PID1: variants seen among roughly 807,000 people sequenced by gnomAD.
PID1 encodes PTB-containing, cubilin and LRP1-interacting protein.
PID1 carries 10 observed loss-of-function variants against 19.1 expected under a neutral mutation model. The ratio of observed to expected loss-of-function variants is 0.52; its 90% CI spans 0.32 to 0.89. The LOEUF is 0.89. Ranked by LOEUF, PID1 falls within the 40% of genes least tolerant of loss-of-function variation. The probability of loss-of-function intolerance (pLI) is 0.03; values close to 1 mark genes in which losing one functional copy is unlikely to be tolerated. For synonymous variants in PID1, 130 were observed against 116.0 expected, an observed-to-expected ratio of 1.12 and a Z score of -0.78; for missense variants, 248 against 285.3, an observed-to-expected ratio of 0.87 and a Z score of 0.94.
chr2:229,051,869 C>T (rs1203269666), intron 2 of PID1, among the ~76,000 whole-genome samples: 1 of 152,180 alleles, frequency 6.6e-6, no homozygotes, highest in Non-Finnish European at 1.5e-5. Context: ...ACACATTCTT[C>T]CTATAACATT....
intron 2 of PID1, among the ~76,000 whole-genome samples, chr2:229,074,992 T>A (rs1694529123): frequency 6.6e-6 from 1 of 152,198 alleles, no homozygotes; most frequent in African/African-American, 2.4e-5. Context: ...TGCATTTCTA[T>A]CAACCCACCA....
At chr2:229,269,160 C>T (rs1208072115) in intron 1 of PID1, among the ~76,000 whole-genome samples, 1 of 150,860 alleles carries the variant, frequency 6.6e-6, no homozygotes, top group South Asian at 2.1e-4. Context: ...GTGACTCGGT[C>T]TTATTGGTGA....
intron 1 of PID1, among the ~76,000 whole-genome samples, chr2:229,219,230 A>G (rs961374147): frequency 2.0e-5 from 3 of 152,100 alleles, no homozygotes; most frequent in African/African-American, 7.2e-5. Context: ...CCGAGACGCG[A>G]GACTGGGTAT....
At chr2:229,218,558 A>G (rs1261567285) in intron 1 of PID1, among the ~76,000 whole-genome samples, 1 of 152,182 alleles carries the variant, frequency 6.6e-6, no homozygotes, top group East Asian at 1.9e-4. Flanking sequence ...GAGGATAGAA[A>G]TGTCACCCAA....
At chr2:229,251,004 G>C (rs1690136318) in intron 1 of PID1, among the ~76,000 whole-genome samples, 1 of 152,142 alleles carries the variant, frequency 6.6e-6, no homozygotes, top group Non-Finnish European at 1.5e-5. Context: ...ACGAGGAGAA[G>C]CACTGTGACA....
At chr2:229,133,347 A>C (rs1488221964) in intron 2 of PID1, among the ~76,000 whole-genome samples, 1 of 152,258 alleles carries the variant, frequency 6.6e-6, no homozygotes, top group African/African-American at 2.4e-5. Context: ...ACAATTCAGT[A>C]GGTGGCACTA....
In PID1 at chr2:229,203,103, G is replaced by A. The variant is rs115297446; in HGVS notation, c.31-47139C>T. On this transcript the variant is annotated intron_variant, in intron 1 of 2. Coordinates refer to ENST00000392055, the MANE Select transcript of PID1 (RefSeq NM_001100818.2). ...GTTACAAAAGAAGATCATTCAGTAG[G>A]AGAAAGACATCTCCACTTTTTACAA... 3.1e-3 allele frequency among the ~76,000 whole-genome samples: 479 copies of A among 152,178 alleles called. 1 individual carries two copies. The highest frequency in any genetic ancestry group is 0.011 in the African/African-American group (458 of 41,524).
intron 2 of PID1, among the ~76,000 whole-genome samples, chr2:229,051,630 A>C (rs1693998134): frequency 6.6e-6 from 1 of 152,184 alleles, no homozygotes; most frequent in African/African-American, 2.4e-5. Context: ...GAGCCACCAC[A>C]CCATGGACTT....
At chr2:229,202,980 T>C (rs1691530674) in intron 1 of PID1, among the ~76,000 whole-genome samples, 1 of 152,072 alleles carries the variant, frequency 6.6e-6, no homozygotes, top group Non-Finnish European at 1.5e-5. Context: ...TAAGCACAAT[T>C]CAGATTTAGA....
At chr2:229,112,610 C>G (rs954087084) in intron 2 of PID1, among the ~76,000 whole-genome samples, 2 of 152,090 alleles carry the variant, frequency 1.3e-5, no homozygotes, top group Non-Finnish European at 2.9e-5. Flanking sequence ...CTCAGCCTCC[C>G]GAGTAGCTGA....
At chr2:229,129,466 C>G (rs1379919049) in intron 2 of PID1, among the ~76,000 whole-genome samples, 1 of 150,860 alleles carries the variant, frequency 6.6e-6, no homozygotes, top group East Asian at 1.9e-4. Context: ...AATTCCATAT[C>G]AGCAATCACA....
intron 1 of PID1, chr2:229,231,886 T>G (rs1018801622): frequency 6.5e-7 from 1 of 1,549,158 alleles, no homozygotes; most frequent in African/African-American, 1.4e-5. Context: ...TACCACAGAG[T>G]AGATAATTTA....
intron 1 of PID1, among the ~76,000 whole-genome samples, chr2:229,182,938 T>A (rs1465973886): frequency 6.6e-6 from 1 of 152,194 alleles, no homozygotes; most frequent in Non-Finnish European, 1.5e-5. Context: ...CTTCTCCTCT[T>A]CCCCATTCTC....
At chr2:229,238,198 T>C (rs1689769395) in intron 1 of PID1, among the ~76,000 whole-genome samples, 1 of 152,194 alleles carries the variant, frequency 6.6e-6, no homozygotes. Flanking sequence ...TGAGTGGAAT[T>C]GGAAAGCCTG....
intron 2 of PID1, among the ~76,000 whole-genome samples, chr2:229,118,782 A>G (rs547115594): frequency 1.6e-4 from 24 of 152,314 alleles, no homozygotes; most frequent in Admixed American, 9.8e-4. Context: ...AATCCTGCCT[A>G]AAAGGGCAGG....
At chr2:229,093,269 G>A (rs1347185834) in intron 2 of PID1, among the ~76,000 whole-genome samples, 2 of 151,828 alleles carry the variant, frequency 1.3e-5, no homozygotes, top group African/African-American at 2.4e-5. Context: ...GACCACAGGT[G>A]CATGCCACCA....
chr2:229,062,328 C>T (rs972611135), intron 2 of PID1, among the ~76,000 whole-genome samples: 1 of 151,904 alleles, frequency 6.6e-6, no homozygotes, highest in Non-Finnish European at 1.5e-5. Flanking sequence ...GGTTTTTCTG[C>T]ATCTAAGAAG....
chr2:229,173,757 T>G (rs1170030293), intron 1 of PID1, among the ~76,000 whole-genome samples: 1 of 152,176 alleles, frequency 6.6e-6, no homozygotes. Context: ...CCCACTTCGG[T>G]GTGCCCTGAA....
intron 1 of PID1, among the ~76,000 whole-genome samples, chr2:229,211,944 G>C (rs1691746723): frequency 6.6e-6 from 1 of 152,204 alleles, no homozygotes; most frequent in South Asian, 2.1e-4. Flanking sequence ...AACTCTGAAA[G>C]TAATTGCATC....
Sources: gnomAD v4.1 joint callset for allele counts (sites outside exome capture counted in the v4.1 genomes callset) on GRCh38, gnomAD v4.1.1 for gene constraint, MANE v1.5 for transcripts, NCBI Gene and HGNC (gene_info 2026-07-23, HGNC 2026-07-21) for gene names.